KLHL22: variants seen among roughly 807,000 people sequenced by gnomAD.
The protein encoded by KLHL22 is kelch like family member 22, also known as kelch-like protein 22.
A neutral mutation model predicts 60.7 loss-of-function variants in KLHL22; 18 were observed. The ratio of observed to expected loss-of-function variants is 0.30; its 90% CI spans 0.20 to 0.44. The LOEUF is 0.44. KLHL22 is among the 20% of genes least tolerant of loss of function. The pLI is 1.00. For synonymous variants in KLHL22, 355 were observed against 354.5 expected, an observed-to-expected ratio of 1.00 and a Z score of -0.01; for missense variants, 596 against 852.3, an observed-to-expected ratio of 0.70 and a Z score of 3.74.
chr22:20,451,967 T>G, intron 5 of KLHL22: 1 of 730,020 alleles, frequency 1.4e-6, no homozygotes, highest in South Asian at 1.8e-5. Context: ...TTGTACTTAT[T>G]TGACACATAC....
intron 1 of KLHL22, among the ~76,000 whole-genome samples, chr22:20,492,351 A>C (rs1164336128): frequency 6.6e-6 from 1 of 152,028 alleles, no homozygotes; most frequent in Non-Finnish European, 1.5e-5. Flanking sequence ...TGATGCCCCT[A>C]CCAGTTTCCC....
intron 2 of KLHL22, among the ~76,000 whole-genome samples, chr22:20,480,828 T>C (rs1231183733): frequency 9.2e-6 from 1 of 108,896 alleles, no homozygotes; most frequent in Non-Finnish European, 1.9e-5. Context: ...TACGCCAAAC[T>C]TTTTTTTTTT....
At chr22:20,450,956 A>G (rs1158272487) in intron 5 of KLHL22, 7 of 1,606,750 alleles carry the variant, frequency 4.4e-6, no homozygotes, top group Non-Finnish European at 6.0e-6. Context: ...CTAGGAGCCA[A>G]TGAAGTGCTT....
chr22:20,456,112 T>C (rs193161412), intron 5 of KLHL22: 2 of 152,342 alleles, frequency 1.3e-5, no homozygotes, highest in East Asian at 1.9e-4. Context: ...GCAGGTCTAA[T>C]TGACATCTCC....
chr22:20,461,605 C>T (rs975742922), intron 4 of KLHL22, among the ~76,000 whole-genome samples: 5 of 149,744 alleles, frequency 3.3e-5, no homozygotes, highest in Non-Finnish European at 5.9e-5. Context: ...TCTATATTTC[C>T]ATGACTTAAG....
Position 20,446,489 on chromosome 22 carries a change from A to G in KLHL22, c.1493T>C (p.Ile498Thr), listed in dbSNP as rs1478688337. 1 of 1,612,762 alleles carries G rather than the reference A, an allele frequency of 6.2e-7. No individual in the cohort carries two copies. The highest frequency in any genetic ancestry group is 8.5e-7 in the Non-Finnish European group (1 of 1,179,980). Reference protein sequence around the residue: ...MATLLNKLYVIGGSNNDAGYR... With the variant: ...MATLLNKLYVTGGSNNDAGYR... ...TCCGGCATCGTTGTTGCTGCCCCCGATCACATACAGCTTGTTGAGGAGGGT... is the reference window on the plus strand; with the variant it reads ...TCCGGCATCGTTGTTGCTGCCCCCGGTCACATACAGCTTGTTGAGGAGGGT... Residue 498 changes from isoleucine to threonine, a missense_variant, in exon 6 of 7, where the codon ATC becomes ACC. Coordinates refer to ENST00000328879, the MANE Select transcript of KLHL22 (RefSeq NM_032775.4).
At chr22:20,474,685 C>A (rs2053382006) in intron 2 of KLHL22, among the ~76,000 whole-genome samples, 1 of 152,224 alleles carries the variant, frequency 6.6e-6, no homozygotes, top group Non-Finnish European at 1.5e-5. Context: ...AGCCACCGCG[C>A]CCAGCCAGCT....
At chr22:20,472,473 C>A (rs2053342807) in intron 2 of KLHL22, among the ~76,000 whole-genome samples, 1 of 152,118 alleles carries the variant, frequency 6.6e-6, no homozygotes, top group Admixed American at 6.5e-5. Flanking sequence ...CGCCTATAAT[C>A]TCAGCACTTT....
intron 4 of KLHL22, among the ~76,000 whole-genome samples, chr22:20,463,861 G>A (rs1042125376): frequency 1.3e-5 from 2 of 152,202 alleles, no homozygotes; most frequent in Non-Finnish European, 2.9e-5. Flanking sequence ...TCCTTGGCCA[G>A]GATCACTATG....
intron 6 of KLHL22, among the ~76,000 whole-genome samples, chr22:20,445,497 C>T (rs939538760): frequency 1.3e-5 from 2 of 152,186 alleles, no homozygotes; most frequent in East Asian, 1.9e-4. Flanking sequence ...TGAGCCACCG[C>T]GCCCGGCCAC....
chr22:20,474,835 C>T (rs1013677088), intron 2 of KLHL22, among the ~76,000 whole-genome samples: 1 of 152,242 alleles, frequency 6.6e-6, no homozygotes, highest in Admixed American at 6.5e-5. Context: ...AATACAGTTG[C>T]TGGGTCGAAG....
intron 2 of KLHL22, among the ~76,000 whole-genome samples, chr22:20,472,932 G>A (rs375855631): frequency 3.2e-4 from 49 of 152,226 alleles, no homozygotes; most frequent in African/African-American, 1.0e-3. Context: ...AGGTGTACAA[G>A]TTCTGGGGCA....
intron 2 of KLHL22, among the ~76,000 whole-genome samples, chr22:20,477,710 A>G (rs1190109966): frequency 6.6e-6 from 1 of 152,160 alleles, no homozygotes; most frequent in Non-Finnish European, 1.5e-5. Flanking sequence ...CTGAACGTGG[A>G]CTCAATGTCA....
chr22:20,483,166 T>A (rs1290946504), intron 2 of KLHL22: 1 of 632,918 alleles, frequency 1.6e-6, no homozygotes, highest in Non-Finnish European at 2.9e-6. Flanking sequence ...CCTTCAGATT[T>A]CTCAAGGAGT....
rs186391613 is a variant in KLHL22 at position 20,470,887 on chromosome 22, G to T, written c.393+463C>A. ...GCATGCATGGATGGATGGATGGATG[G>T]ACAGACAAATAGATAGATAAAGTTC... On this transcript the variant is annotated intron_variant, in intron 3 of 6. Transcript: ENST00000328879. Among the ~76,000 whole-genome samples, 199 of 152,198 alleles carry T rather than the reference G, an allele frequency of 1.3e-3. 1 individual carries two copies. Among genetic ancestry groups the T allele is most frequent in the African/African-American group, 4.7e-3 (195 of 41,486 alleles).
intron 5 of KLHL22, among the ~76,000 whole-genome samples, chr22:20,446,933 C>T (rs895816125): frequency 4.6e-5 from 7 of 152,178 alleles, no homozygotes; most frequent in African/African-American, 1.2e-4. Context: ...CTTTCCTTTG[C>T]TCCTAAAGTT....
chr22:20,466,094 G>A (rs966998922), intron 3 of KLHL22, among the ~76,000 whole-genome samples: 6 of 152,038 alleles, frequency 3.9e-5, no homozygotes, highest in Middle Eastern at 3.2e-3. Flanking sequence ...GTACTGGCTC[G>A]GCCGGGTGCG....
chr22:20,471,328 T>G, intron 3 of KLHL22, 22 bp downstream of exon 3: 2 of 1,609,700 alleles, frequency 1.2e-6, no homozygotes, highest in Non-Finnish European at 8.5e-7. Context: ...GGGTCTGCCT[T>G]GCTAGATGAG....
At chr22:20,484,553 C>A (rs1038339201) in intron 2 of KLHL22, among the ~76,000 whole-genome samples, 6 of 152,052 alleles carry the variant, frequency 3.9e-5, no homozygotes, top group Non-Finnish European at 8.8e-5. Context: ...CCTTGGGCAC[C>A]CATTGTGCTG....
Sources: allele counts gnomAD v4.1 joint callset (sites outside exome capture counted in the v4.1 genomes callset), GRCh38; gene constraint gnomAD v4.1.1; transcripts MANE v1.5; gene names NCBI Gene and HGNC (gene_info 2026-07-23, HGNC 2026-07-21).